Variants in NSD1 observed in about 807,000 individuals in gnomAD.
NSD1 encodes histone-lysine N-methyltransferase, H3 lysine-36 specific.
Under a neutral mutation model 242.7 loss-of-function variants are expected in NSD1, and 26 were observed. The ratio of observed to expected loss-of-function variants is 0.11; its 90% CI spans 0.08 to 0.15. The LOEUF is 0.15. NSD1 is among the 10% of genes least tolerant of loss of function. The pLI is 1.00. For synonymous variants in NSD1, 1,106 were observed against 1,178.1 expected (o/e 0.94, Z 1.25); for missense variants, 2,495 against 3,272.8 (o/e 0.76, Z 5.80).
chr5:177,140,858 CT>C (rs1243479668), intron 2 of NSD1, among the ~76,000 whole-genome samples: 13 of 152,096 alleles, frequency 8.5e-5, no homozygotes, highest in Admixed American at 7.2e-4. Context: ...TATAGTTTTG[CT>C]GCCTGAGACA....
chr5:177,157,364 C>G (rs912004056), intron 2 of NSD1, among the ~76,000 whole-genome samples: 2 of 151,452 alleles, frequency 1.3e-5, no homozygotes, highest in Non-Finnish European at 2.9e-5. Flanking sequence ...GAAACTTCGT[C>G]TCCAAGAAAA....
Position 177,210,568 on chromosome 5 carries a change from C to T in NSD1, c.2169C>T (p.Thr723=), listed in dbSNP as rs11948062. The T allele has an allele frequency of 9.6e-4, 1,554 of 1,614,010 alleles. 15 individuals carry two copies. In the African/African-American group the frequency reaches 0.015, roughly 16 times the overall value. The change falls in exon 5 of 23, where the codon ACC becomes ACT. Residue 723 remains threonine, a synonymous_variant. Coordinates refer to ENST00000439151, the MANE Select transcript of NSD1 (RefSeq NM_022455.5). ...GTACTAAGAGTGCAGAGCCTGGAAC[C>T]GAGACGTCTCAGGTTAATCTCTCTG... ...MGCTKSAEPG[T]ETSQVNLSDL...
At chr5:177,275,313 C>T (rs954437363) in intron 17 of NSD1, among the ~76,000 whole-genome samples, 2 of 151,338 alleles carry the variant, frequency 1.3e-5, no homozygotes, top group East Asian at 1.9e-4. Flanking sequence ...GTGTAGTAGA[C>T]GGTCTTTTAT....
intron 2 of NSD1, among the ~76,000 whole-genome samples, chr5:177,150,288 G>A (rs1562119377): frequency 2.0e-5 from 3 of 151,882 alleles, no homozygotes; most frequent in East Asian, 1.9e-4. Flanking sequence ...CACCCGCCAC[G>A]ACGCCTGGCT....
chr5:177,170,004 C>T (rs1050098867), intron 2 of NSD1, among the ~76,000 whole-genome samples: 2 of 152,154 alleles, frequency 1.3e-5, no homozygotes, highest in Non-Finnish European at 2.9e-5. Flanking sequence ...GGGTCTTGCT[C>T]TGTCGCCCAG....
At chr5:177,266,286 C>G in intron 14 of NSD1, 1 of 740,904 alleles carries the variant, frequency 1.3e-6, no homozygotes, top group Non-Finnish European at 2.5e-6. Context: ...ACCAAGTGGT[C>G]TAACTTGTTG....
rs761772987 is a variant in NSD1, at chr5:177,211,875, G to A, written c.3476G>A (p.Arg1159Gln). 1.2e-5 allele frequency: 20 copies of A among 1,612,182 alleles called. No homozygotes were observed. The highest frequency in any genetic ancestry group is 4.5e-5 in the East Asian group (2 of 44,882). Residue 1159 changes from arginine to glutamine, a missense_variant, in exon 5 of 23, where the codon CGG becomes CAG. Around this residue, in one of 19 missense-constraint regions of NSD1, gnomAD observed 426 missense variants for 411.4 expected, o/e 1.04. Coordinates refer to ENST00000439151, the MANE Select transcript of NSD1 (RefSeq NM_022455.5). ...NGVNQVVPKK[R>Q]WQRLNQRRTK... ...GTAAATCAAGTGGTGCCTAAAAAGC[G>A]GTGGCAGCGTTTAAACCAAAGGCGC...
In NSD1 at chr5:177,238,602, A is replaced by G. The variant is rs191169405; in HGVS notation, c.4192+95A>G. ...TTGATGTAAAGCCAACATTGTATCT[A>G]TATACAATAAACTACCCCCTTTTGT... On this transcript the variant is annotated intron_variant, in intron 7 of 22. Coordinates refer to ENST00000439151, the MANE Select transcript of NSD1 (RefSeq NM_022455.5). This position sits in a 1 kb window ranked among gnomAD's most constrained non-coding sequence, Gnocchi z 4.6. The G allele has an allele frequency of 3.2e-4, 444 of 1,408,010 alleles. 4 individuals carry two copies. In the African/African-American group the frequency reaches 5.2e-3, roughly 17 times the overall value. The allele number at this position is 1,408,010 out of a possible 1,614,324, so 87.2% of individuals were successfully genotyped here. A position where few individuals can be genotyped will look rare whatever the true frequency, so the allele number is the denominator to read the frequency against.
chr5:177,272,839 C>G (rs1758052037), intron 16 of NSD1, among the ~76,000 whole-genome samples: 1 of 152,054 alleles, frequency 6.6e-6, no homozygotes, highest in Admixed American at 6.6e-5. Flanking sequence ...GCTGTGATTG[C>G]TCCATTGCAC....
chr5:177,134,760 G>A lies in NSD1; in HGVS notation c.-17-327G>A, dbSNP rs557239720. 1.3e-3 allele frequency among the ~76,000 whole-genome samples: 196 copies of A among 152,346 alleles called. 1 individual carries two copies. Among genetic ancestry groups the A allele is most frequent in the Admixed American group, 2.4e-3 (36 of 15,304 alleles). On this transcript the variant is annotated intron_variant, in intron 1 of 22. Coordinates refer to ENST00000439151, the MANE Select transcript of NSD1 (RefSeq NM_022455.5). This position sits in a 1 kb window ranked among gnomAD's most constrained non-coding sequence, Gnocchi z 4.2. ...GCTGCTCGACCCCTGGCGAGGGAGGGGGAGGACTAGTCCTGTTTGAGAATT... is the reference window on the plus strand; with the variant it reads ...GCTGCTCGACCCCTGGCGAGGGAGGAGGAGGACTAGTCCTGTTTGAGAATT...
intron 14 of NSD1, among the ~76,000 whole-genome samples, chr5:177,263,967 TG>T (rs1757197447): frequency 6.6e-6 from 1 of 151,274 alleles, no homozygotes; most frequent in South Asian, 2.1e-4. Flanking sequence ...TATTAATAAA[TG>T]TGATTTTAAA....
intron 2 of NSD1, among the ~76,000 whole-genome samples, chr5:177,166,086 T>A: frequency 6.7e-6 from 1 of 150,094 alleles, no homozygotes; most frequent in East Asian, 2.0e-4. Context: ...ATTTTTGTAT[T>A]TTTTTTTTAG....
chr5:177,259,891 T>G, intron 13 of NSD1, 98 bp from the exon 14 acceptor site: 1 of 1,361,620 alleles, frequency 7.3e-7, no homozygotes, highest in Non-Finnish European at 1.0e-6. Flanking sequence ...ATTTGTGACA[T>G]TTTTTCAGTG....
chr5:177,147,427 T>C (rs1038499760), intron 2 of NSD1, among the ~76,000 whole-genome samples: 1 of 152,108 alleles, frequency 6.6e-6, no homozygotes, highest in Non-Finnish European at 1.5e-5. Context: ...ATCTCTAGCC[T>C]TTGTCAGTTA....
chr5:177,174,462 AC>A (rs1280603735), intron 2 of NSD1, among the ~76,000 whole-genome samples: 1 of 151,324 alleles, frequency 6.6e-6, no homozygotes, highest in African/African-American at 2.4e-5. Context: ...ATCGCCTCCC[AC>A]CTTGGCCTCC....
chr5:177,266,288 A>C, intron 14 of NSD1: 1 of 738,886 alleles, frequency 1.4e-6, no homozygotes, highest in Non-Finnish European at 2.5e-6. Flanking sequence ...CAAGTGGTCT[A>C]ACTTGTTGGC....
chr5:177,287,376 C>T (rs1461119970), intron 20 of NSD1, among the ~76,000 whole-genome samples: 1 of 152,234 alleles, frequency 6.6e-6, no homozygotes, highest in Non-Finnish European at 1.5e-5. Flanking sequence ...CGCAGTGGCT[C>T]ACGCCTATAA....
chr5:177,184,671 G>C (rs1760956372), intron 2 of NSD1, among the ~76,000 whole-genome samples: 1 of 151,990 alleles, frequency 6.6e-6, no homozygotes, highest in Non-Finnish European at 1.5e-5. Context: ...TGAAACTACA[G>C]GTGTGTGCTA....
rs1462011122 is a variant in NSD1 at position 177,239,844 on chromosome 5, G to A, written c.4281G>A (p.Gly1427=). Residue 1427 remains glycine, a synonymous_variant, in exon 8 of 23, where the codon GGG becomes GGA. Transcript: ENST00000439151. ...ACCCTGGATTTATGCCCAAGAAGGG[G>A]GACCTTGGCCTTTCTAAAAAGGTAT... The part of the protein sequence containing the change: ...DLDPGFMPKK[G]DLGLSKKCYE... 3.7e-6 allele frequency: 6 copies of A among 1,607,124 alleles called. No homozygotes were observed. Among genetic ancestry groups the A allele is most frequent in the Non-Finnish European group, 5.1e-6 (6 of 1,174,080 alleles).
Sources: gnomAD v4.1 joint callset for allele counts (sites outside exome capture counted in the v4.1 genomes callset) on GRCh38, gnomAD v4.1.1 for gene constraint, gnomAD v4.1.1 regional missense constraint, Gnocchi (gnomAD v3.1) non-coding constraint, MANE v1.5 for transcripts, NCBI Gene and HGNC (gene_info 2026-07-23, HGNC 2026-07-21) for gene names.